Variants in GRIN3A observed in about 807,000 individuals in gnomAD.
The protein encoded by GRIN3A is glutamate receptor ionotropic, NMDA 3A.
In GRIN3A, 47 loss-of-function variants were observed where a neutral mutation model predicts 92.4. The observed-to-expected ratio is 0.51, with a 90% CI of 0.40 to 0.65. The LOEUF (loss-of-function observed/expected upper bound fraction) is 0.65. GRIN3A is among the 30% of genes least tolerant of loss of function. The pLI is 0.00. For synonymous variants in GRIN3A, 527 were observed against 540.6 expected, an observed-to-expected ratio of 0.97 and a Z score of 0.35; for missense variants, 1,324 against 1,393.1, an observed-to-expected ratio of 0.95 and a Z score of 0.79.
chr9:101,703,964 A>C (rs1397783916), intron 1 of GRIN3A, among the ~76,000 whole-genome samples: 1 of 152,004 alleles, frequency 6.6e-6, no homozygotes. Flanking sequence ...ATCTTTATCT[A>C]ATTTAGTTCC....
intron 6 of GRIN3A, among the ~76,000 whole-genome samples, chr9:101,606,681 T>C (rs1828286056): frequency 6.6e-6 from 1 of 152,134 alleles, no homozygotes; most frequent in African/African-American, 2.4e-5. Flanking sequence ...TCTTTCTTCC[T>C]GACTAGTTCC....
chr9:101,628,485 TTAATAA>T, intron 3 of GRIN3A, 84 bp from the exon 4 acceptor site: 16 of 1,395,722 alleles, frequency 1.1e-5, no homozygotes, highest in Non-Finnish European at 1.5e-5. Flanking sequence ...TCTTTGAAAC[TTAATAA>T]TAATTCGGAA....
rs374865008 is a variant in GRIN3A at position 101,686,641 on chromosome 9, A to G, written c.1259T>C (p.Met420Thr). ...LALIPSTMNCMEVETTNLTSG... is the reference protein window; with the variant it reads ...LALIPSTMNCTEVETTNLTSG... ...AGTGAGATTTGTAGTTTCCACCTCC[A>G]TGCAGTTCATCGTGCTGGGAATGAG... Residue 420 changes from methionine to threonine, a missense_variant, in exon 2 of 9, where the codon ATG (methionine) becomes ACG (threonine). Physicochemically the swap from Met to Thr is moderately conservative, Grantham distance 81. Transcript: ENST00000361820. The G allele has an allele frequency of 2.8e-5, 45 of 1,614,040 alleles. No individual in the cohort carries two copies. Among genetic ancestry groups the G allele is most frequent in the Non-Finnish European group, 3.7e-5 (44 of 1,180,026 alleles).
chr9:101,671,637 T>C (rs780283740), intron 2 of GRIN3A, among the ~76,000 whole-genome samples: 3 of 152,172 alleles, frequency 2.0e-5, no homozygotes, highest in Non-Finnish European at 4.4e-5. Context: ...CATTAGAAAA[T>C]AGCCAAATCT....
At chr9:101,720,860 T>C (rs989537294) in intron 1 of GRIN3A, among the ~76,000 whole-genome samples, 2 of 151,212 alleles carry the variant, frequency 1.3e-5, no homozygotes, top group Admixed American at 1.3e-4. Context: ...GGGTGAAGAG[T>C]GGGAGGAGGG....
intron 6 of GRIN3A, among the ~76,000 whole-genome samples, chr9:101,604,765 T>G (rs1275267431): frequency 6.6e-6 from 1 of 152,184 alleles, no homozygotes; most frequent in Non-Finnish European, 1.5e-5. Flanking sequence ...CTTTGAGTTT[T>G]TAATATGAAT....
intron 1 of GRIN3A, among the ~76,000 whole-genome samples, chr9:101,710,571 A>G (rs1244535791): frequency 6.6e-6 from 1 of 152,150 alleles, no homozygotes; most frequent in Non-Finnish European, 1.5e-5. Flanking sequence ...TGTTCTGTGG[A>G]TTCATGTTGT....
chr9:101,667,474 G>A (rs774594151), intron 3 of GRIN3A, among the ~76,000 whole-genome samples: 15 of 151,874 alleles, frequency 9.9e-5, no homozygotes, highest in Non-Finnish European at 1.9e-4. Context: ...TTCATCTGTT[G>A]CTAAACTTTG....
At chr9:101,577,867 A>C in intron 7 of GRIN3A, 23 bp from the exon 8 acceptor site, 1 of 1,558,100 alleles carries the variant, frequency 6.4e-7, no homozygotes, top group African/African-American at 1.4e-5. Context: ...ACAGATTCAC[A>C]GGTAGAAATT....
At chr9:101,606,351 A>G (rs748659778) in intron 6 of GRIN3A, among the ~76,000 whole-genome samples, 2 of 152,090 alleles carry the variant, frequency 1.3e-5, no homozygotes, top group African/African-American at 4.8e-5. Flanking sequence ...TAGAAGATGC[A>G]AGGGTAGGAG....
At chr9:101,637,220 G>A (rs1828796146) in intron 3 of GRIN3A, among the ~76,000 whole-genome samples, 1 of 152,132 alleles carries the variant, frequency 6.6e-6, no homozygotes. Context: ...AGCCTCCCGA[G>A]TAGATGGGAC....
intron 8 of GRIN3A, among the ~76,000 whole-genome samples, chr9:101,576,007 G>C (rs1260726034): frequency 6.6e-6 from 1 of 152,138 alleles, no homozygotes; most frequent in Non-Finnish European, 1.5e-5. Flanking sequence ...GTATCACCAG[G>C]CATCTGATAT....
Position 101,673,014 on chromosome 9 carries a change from A to T in GRIN3A, c.1305-1907T>A, listed in dbSNP as rs955756081. Among the ~76,000 whole-genome samples, 7 of 152,270 alleles carry T rather than the reference A, an allele frequency of 4.6e-5. No homozygotes were observed. In the East Asian group the frequency reaches 1.4e-3, roughly 29 times the overall value. On this transcript the variant is annotated intron_variant, in intron 2 of 8. Transcript: ENST00000361820. Reference sequence around the variant, plus strand: ...TTTGTTAAAACACACACATATACATACTTGCTGATATAAGAAATAAACAGT... The same window carrying T: ...TTTGTTAAAACACACACATATACATTCTTGCTGATATAAGAAATAAACAGT...
At chr9:101,651,024 G>C (rs1417748917) in intron 3 of GRIN3A, among the ~76,000 whole-genome samples, 1 of 151,796 alleles carries the variant, frequency 6.6e-6, no homozygotes, top group Non-Finnish European at 1.5e-5. Flanking sequence ...GTTTATTTGT[G>C]TGTATTTCTC....
intron 1 of GRIN3A, among the ~76,000 whole-genome samples, chr9:101,724,295 C>T (rs1314949710): frequency 2.0e-5 from 3 of 152,294 alleles, no homozygotes; most frequent in South Asian, 2.1e-4. Flanking sequence ...AGAAATCAAG[C>T]GCAGCGCCGG....
At chr9:101,588,538 G>T (rs1827978386) in intron 6 of GRIN3A, among the ~76,000 whole-genome samples, 1 of 152,036 alleles carries the variant, frequency 6.6e-6, no homozygotes, top group Admixed American at 6.6e-5. Context: ...TACTTAATTT[G>T]CCACATTAGC....
intron 8 of GRIN3A, among the ~76,000 whole-genome samples, chr9:101,575,114 T>C (rs1455029457): frequency 6.6e-6 from 1 of 152,218 alleles, no homozygotes; most frequent in Non-Finnish European, 1.5e-5. Flanking sequence ...GACCAACTTA[T>C]ACATGACCCA....
intron 5 of GRIN3A, among the ~76,000 whole-genome samples, chr9:101,622,826 G>T (rs941857723): frequency 7.1e-4 from 108 of 152,236 alleles, no homozygotes; most frequent in African/African-American, 2.5e-3. Flanking sequence ...GGCCCTCCCA[G>T]TTGTAAAATG....
chr9:101,653,664 T>G (rs1347840451), intron 3 of GRIN3A, among the ~76,000 whole-genome samples: 1 of 151,878 alleles, frequency 6.6e-6, no homozygotes, highest in South Asian at 2.1e-4. Flanking sequence ...TATTTAGAAC[T>G]TTAGGCACAT....
Sources: allele counts gnomAD v4.1 joint callset (sites outside exome capture counted in the v4.1 genomes callset), GRCh38; gene constraint gnomAD v4.1.1; transcripts MANE v1.5; gene names NCBI Gene and HGNC (gene_info 2026-07-23, HGNC 2026-07-21).